Variants in NKAIN2 observed in about 807,000 individuals in gnomAD.
The protein encoded by NKAIN2 is sodium/potassium transporting ATPase interacting 2.
NKAIN2 carries 14 observed loss-of-function variants against 32.6 expected under a neutral mutation model. The observed-to-expected ratio is 0.43, with a 90% CI of 0.28 to 0.67. NKAIN2 has a LOEUF of 0.67. Among genes scored for constraint, NKAIN2 ranks in the 30% least tolerant of loss-of-function variants. The pLI, the probability that NKAIN2 is intolerant of heterozygous loss-of-function variation, is 0.17. For missense variants in NKAIN2, 198 were observed against 258.3 expected, an observed-to-expected ratio of 0.77 and a Z score of 1.60; for synonymous variants, 80 against 87.2, an observed-to-expected ratio of 0.92 and a Z score of 0.46.
At chr6:124,374,346 C>A (rs1347896083) in intron 3 of NKAIN2, among the ~76,000 whole-genome samples, 3 of 151,618 alleles carry the variant, frequency 2.0e-5, no homozygotes, top group Non-Finnish European at 4.4e-5. Flanking sequence ...ATGGAGTGAC[C>A]CACAAGAATC....
At chr6:124,601,061 G>A (rs1048995939) in intron 3 of NKAIN2, among the ~76,000 whole-genome samples, 1 of 151,996 alleles carries the variant, frequency 6.6e-6, no homozygotes, top group Non-Finnish European at 1.5e-5. Context: ...CATAGAGATA[G>A]GAAGGATAAT....
chr6:124,319,230 C>T (rs1347120219), intron 2 of NKAIN2, among the ~76,000 whole-genome samples: 1 of 152,078 alleles, frequency 6.6e-6, no homozygotes, highest in African/African-American at 2.4e-5. Context: ...TACAAGAGCA[C>T]ATATTTAAAT....
intron 1 of NKAIN2, among the ~76,000 whole-genome samples, chr6:123,927,744 A>G (rs992863611): frequency 1.3e-5 from 2 of 152,204 alleles, no homozygotes; most frequent in African/African-American, 4.8e-5. Flanking sequence ...GCCATTGTTC[A>G]CATGGCAAAC....
intron 1 of NKAIN2, among the ~76,000 whole-genome samples, chr6:124,045,090 G>A (rs1782054510): frequency 6.6e-6 from 1 of 151,748 alleles, no homozygotes. Flanking sequence ...CCTTAACAAA[G>A]TTCTCTTTTT....
intron 3 of NKAIN2, among the ~76,000 whole-genome samples, chr6:124,376,068 T>A (rs1449300596): frequency 6.6e-6 from 1 of 152,084 alleles, no homozygotes; most frequent in East Asian, 1.9e-4. Context: ...AGATTTGAAG[T>A]GTTTGTGTGG....
At chr6:124,310,300 G>A (rs1400726968) in intron 2 of NKAIN2, among the ~76,000 whole-genome samples, 1 of 151,942 alleles carries the variant, frequency 6.6e-6, no homozygotes, top group Non-Finnish European at 1.5e-5. Flanking sequence ...TGCATTATAA[G>A]TGCCTTGTAT....
chr6:124,658,320 C>T lies in NKAIN2; in HGVS notation c.408C>T (p.Val136=). 3.1e-6 allele frequency: 5 copies of T among 1,614,122 alleles called. No homozygotes were observed. Among genetic ancestry groups the T allele is most frequent in the Non-Finnish European group, 4.2e-6 (5 of 1,180,014 alleles). ...WAPEDHRYIT[V]SGCLLEYQYI... is the part of the protein sequence containing the mutation. Reference sequence around the variant, plus strand: ...CAGAAGACCATCGCTACATCACGGTCTCAGGGTGTTTGCTGGAGTACCAGT... The same window carrying T: ...CAGAAGACCATCGCTACATCACGGTTTCAGGGTGTTTGCTGGAGTACCAGT... Residue 136 remains valine (V), a synonymous_variant, in exon 4 of 7, where the codon GTC becomes GTT. Transcript: ENST00000368417.
At chr6:124,018,724 A>C (rs1582938225) in intron 1 of NKAIN2, among the ~76,000 whole-genome samples, 1 of 152,122 alleles carries the variant, frequency 6.6e-6, no homozygotes, top group East Asian at 1.9e-4. Flanking sequence ...TTTCATCAAA[A>C]TTATTCAACA....
At chr6:123,882,771 G>A (rs1375757074) in intron 1 of NKAIN2, among the ~76,000 whole-genome samples, 1 of 152,130 alleles carries the variant, frequency 6.6e-6, no homozygotes, top group Admixed American at 6.5e-5. Flanking sequence ...TTTAATAAGA[G>A]CATCCCAGAA....
intron 1 of NKAIN2, among the ~76,000 whole-genome samples, chr6:123,841,359 C>T (rs1346404970): frequency 2.6e-5 from 4 of 152,074 alleles, no homozygotes; most frequent in Non-Finnish European, 5.9e-5. Context: ...GTGTTACAAT[C>T]GTGAGATGTC....
At chr6:124,648,981 AG>A (rs1784273710) in intron 3 of NKAIN2, among the ~76,000 whole-genome samples, 1 of 152,200 alleles carries the variant, frequency 6.6e-6, no homozygotes, top group African/African-American at 2.4e-5. Context: ...TGTAGAATGT[AG>A]TGAAAGCACT....
At chr6:124,286,671 T>C (rs1007810101) in intron 2 of NKAIN2, among the ~76,000 whole-genome samples, 315 of 123,792 alleles carry the variant, frequency 2.5e-3, no homozygotes, top group Middle Eastern at 3.8e-3. Flanking sequence ...TGTGTGTGTG[T>C]GTGCGCGCGC....
intron 4 of NKAIN2, among the ~76,000 whole-genome samples, chr6:124,688,326 T>A (rs188398522): frequency 6.6e-6 from 1 of 152,160 alleles, no homozygotes; most frequent in Admixed American, 6.6e-5. Flanking sequence ...ATTAAATACA[T>A]TTTTAGAGCC....
intron 3 of NKAIN2, among the ~76,000 whole-genome samples, chr6:124,409,916 T>C (rs1238862646): frequency 2.6e-5 from 4 of 152,210 alleles, no homozygotes; most frequent in African/African-American, 9.7e-5. Context: ...CCTAGTTTAG[T>C]CTTGGGAGGG....
intron 1 of NKAIN2, among the ~76,000 whole-genome samples, chr6:124,246,470 C>T (rs924762133): frequency 9.2e-5 from 14 of 152,048 alleles, no homozygotes; most frequent in African/African-American, 3.4e-4. Flanking sequence ...TGAGATTATG[C>T]CCAGCCTACC....
At chr6:124,277,455 G>GTGTA (rs1795089015) in intron 1 of NKAIN2, among the ~76,000 whole-genome samples, 1 of 148,704 alleles carries the variant, frequency 6.7e-6, no homozygotes, top group Non-Finnish European at 1.5e-5. Flanking sequence ...GTGTGTGTGT[G>GTGTA]TGTATCTGTG....
chr6:124,702,677 T>C (rs1283512710), intron 4 of NKAIN2, among the ~76,000 whole-genome samples: 2 of 152,066 alleles, frequency 1.3e-5, no homozygotes, highest in Admixed American at 1.3e-4. Context: ...CTTTCTCCAT[T>C]AAATCATCAA....
chr6:124,339,992 A>AATTTT (rs1267961453), intron 2 of NKAIN2, among the ~76,000 whole-genome samples: 1 of 152,186 alleles, frequency 6.6e-6, no homozygotes, highest in African/African-American at 2.4e-5. Context: ...AACCAGAGAC[A>AATTTT]ATTTTATTTT....
chr6:124,588,239 A>G (rs1473830087), intron 3 of NKAIN2, among the ~76,000 whole-genome samples: 2 of 152,112 alleles, frequency 1.3e-5, no homozygotes, highest in African/African-American at 2.4e-5. Context: ...TGATATGACG[A>G]TGTGTACACA....
Sources: gnomAD v4.1 joint callset for allele counts (sites outside exome capture counted in the v4.1 genomes callset) on GRCh38, gnomAD v4.1.1 for gene constraint, MANE v1.5 for transcripts, NCBI Gene and HGNC (gene_info 2026-07-23, HGNC 2026-07-21) for gene names.